The following BCAT1 variants were observed in gnomAD, a reference collection of about 807,000 sequenced individuals.
BCAT1 encodes branched-chain-amino-acid aminotransferase, cytosolic.
A neutral mutation model predicts 52.4 loss-of-function variants in BCAT1; 48 were observed. That is an observed-to-expected ratio of 0.92 (90% CI 0.73 to 1.16). The LOEUF (loss-of-function observed/expected upper bound fraction) is 1.16. BCAT1 is among the 50% of genes most tolerant of loss of function. The pLI, the probability that BCAT1 is intolerant of heterozygous loss-of-function variation, is 0.00. For synonymous variants in BCAT1, 167 were observed against 161.3 expected (o/e 1.04, Z -0.27); for missense variants, 451 against 457.1 (o/e 0.99, Z 0.12).
At chr12:24,902,790 G>T in intron 1 of BCAT1, 1 of 1,083,278 alleles carries the variant, frequency 9.2e-7, no homozygotes, top group Non-Finnish European at 1.3e-6. Context: ...GGGCAGGGAT[G>T]CGGGGAAGGG....
At chr12:24,885,534 T>G (rs939143869) in intron 3 of BCAT1, among the ~76,000 whole-genome samples, 5 of 152,158 alleles carry the variant, frequency 3.3e-5, no homozygotes, top group Non-Finnish European at 4.4e-5. Flanking sequence ...AAAAACTGCA[T>G]GACAAAAGTT....
chr12:24,810,700 G>A lies in BCAT1; in HGVS notation c.*7308C>T, dbSNP rs1939653411. ...TCACAGGTTGACAGGGTCTGGAGAA[G>A]TGGGTCACCGAGCACTCTGACATTT... is the stretch of plus-strand genomic sequence containing the variant. On this transcript the variant is annotated 3_prime_UTR_variant, in exon 11 of 11. Coordinates refer to ENST00000261192, the MANE Select transcript of BCAT1 (RefSeq NM_005504.7). The A allele has an allele frequency of 6.6e-6, 1 of 152,224 alleles. No homozygotes were observed. The highest frequency in any genetic ancestry group is 2.1e-4 in the South Asian group (1 of 4,832). 9.4% of individuals were successfully genotyped at this position (152,224 alleles called of 1,614,324 possible). A position where few individuals can be genotyped will look rare whatever the true frequency, so the allele number is the denominator to read the frequency against.
chr12:24,835,582 TATTTATTTATTTA>T (rs1287265895), intron 8 of BCAT1, among the ~76,000 whole-genome samples: 76 of 146,024 alleles, frequency 5.2e-4, no homozygotes, highest in Admixed American at 1.0e-3. Flanking sequence ...TTTATTTATT[TATTTATTTATTTA>T]ATTTACTTTT....
chr12:24,876,233 T>A (rs573723846), intron 5 of BCAT1, among the ~76,000 whole-genome samples: 2 of 100,682 alleles, frequency 2.0e-5, no homozygotes, highest in South Asian at 2.9e-4. Flanking sequence ...ATTAGAAAAC[T>A]AGATCAAGAG....
intron 5 of BCAT1, among the ~76,000 whole-genome samples, chr12:24,864,925 G>C (rs1565470860): frequency 6.6e-6 from 1 of 152,168 alleles, no homozygotes; most frequent in Non-Finnish European, 1.5e-5. Context: ...ACAGCTGCTT[G>C]TGGTTTCCAG....
At chr12:24,846,968 G>T (rs923040096) in intron 6 of BCAT1, among the ~76,000 whole-genome samples, 1 of 152,186 alleles carries the variant, frequency 6.6e-6, no homozygotes, top group African/African-American at 2.4e-5. Context: ...CTCACAGATA[G>T]TTAAGTGTGT....
chr12:24,943,135 G>T (rs1186741712), intron 1 of BCAT1, among the ~76,000 whole-genome samples: 2 of 152,130 alleles, frequency 1.3e-5, no homozygotes, highest in African/African-American at 4.8e-5. Context: ...CAATAATTTA[G>T]ATATAAAACT....
chr12:24,922,871 C>CAA (rs112388852), intron 1 of BCAT1, among the ~76,000 whole-genome samples: 6 of 107,236 alleles, frequency 5.6e-5, no homozygotes, highest in African/African-American at 1.4e-4. Context: ...CTCTGTCTCT[C>CAA]AAAAAAAAAA....
At chr12:24,947,167 CCACACACACACACACACACACA>C (rs57265449) in intron 1 of BCAT1, among the ~76,000 whole-genome samples, 15 of 141,152 alleles carry the variant, frequency 1.1e-4, no homozygotes, top group African/African-American at 2.1e-4. Context: ...CGTCTTCCCT[CCACACACACACACACACACACA>C]CACACACACA....
intron 1 of BCAT1, among the ~76,000 whole-genome samples, chr12:24,927,834 T>C (rs1202691039): frequency 6.6e-6 from 1 of 152,142 alleles, no homozygotes; most frequent in Non-Finnish European, 1.5e-5. Context: ...CAACCAGAAA[T>C]AGTTTTATTT....
At chr12:24,917,518 T>C (rs1259032406) in intron 1 of BCAT1, among the ~76,000 whole-genome samples, 1 of 152,156 alleles carries the variant, frequency 6.6e-6, no homozygotes, top group African/African-American at 2.4e-5. Flanking sequence ...AAAGGTGTGA[T>C]CTCCAAAGTT....
intron 1 of BCAT1, among the ~76,000 whole-genome samples, chr12:24,928,244 G>A (rs1365080985): frequency 6.6e-6 from 1 of 152,170 alleles, no homozygotes; most frequent in Non-Finnish European, 1.5e-5. Context: ...GACTAGGAGA[G>A]ACCAGAGACC....
Position 24,816,878 on chromosome 12 carries a change from A to G in BCAT1, c.*1130T>C, listed in dbSNP as rs1440145169. On this transcript the variant is annotated 3_prime_UTR_variant, in exon 11 of 11. Transcript: ENST00000261192. Reference sequence around the variant, plus strand: ...AGTTCACAATAGGATTTGTGCTCCTATGAGAATCTAATGCTGCCACTGAGC... The same window carrying G: ...AGTTCACAATAGGATTTGTGCTCCTGTGAGAATCTAATGCTGCCACTGAGC... The G allele has an allele frequency of 3.6e-6, 1 of 275,300 alleles. No individual in the cohort carries two copies. Among genetic ancestry groups the G allele is most frequent in the Non-Finnish European group, 6.7e-6 (1 of 148,738 alleles). The allele number at this position is 275,300 out of a possible 1,614,324, so 17.1% of individuals were successfully genotyped here. A position where few individuals can be genotyped will look rare whatever the true frequency, so the allele number is the denominator to read the frequency against.
intron 5 of BCAT1, among the ~76,000 whole-genome samples, chr12:24,856,309 T>C (rs1445401407): frequency 6.6e-6 from 1 of 152,136 alleles, no homozygotes; most frequent in African/African-American, 2.4e-5. Flanking sequence ...GCTCCTCACT[T>C]TCCTACTTCC....
intron 10 of BCAT1, among the ~76,000 whole-genome samples, chr12:24,827,612 C>T (rs184884924): frequency 1.6e-4 from 24 of 151,968 alleles, no homozygotes; most frequent in Admixed American, 7.9e-4. Context: ...GCCAACATGG[C>T]GAAACCTCGA....
intron 3 of BCAT1, among the ~76,000 whole-genome samples, chr12:24,884,063 A>G (rs1231778060): frequency 6.6e-6 from 1 of 152,224 alleles, no homozygotes; most frequent in African/African-American, 2.4e-5. Context: ...TGTTTATTGT[A>G]GCATTATTCA....
At chr12:24,855,694 T>A (rs1332030202) in intron 5 of BCAT1, among the ~76,000 whole-genome samples, 2 of 152,216 alleles carry the variant, frequency 1.3e-5, no homozygotes, top group Non-Finnish European at 2.9e-5. Context: ...TTCTTTGTCT[T>A]AAATTTCTTT....
chr12:24,942,543 CAAA>C (rs60144964), intron 1 of BCAT1, among the ~76,000 whole-genome samples: 7 of 90,818 alleles, frequency 7.7e-5, no homozygotes, highest in Admixed American at 1.2e-4. Context: ...GACTCCGCCT[CAAA>C]AAAAAAAAAA....
intron 1 of BCAT1, among the ~76,000 whole-genome samples, chr12:24,909,341 G>A (rs1033899958): frequency 3.9e-5 from 6 of 152,108 alleles, no homozygotes; most frequent in Non-Finnish European, 7.3e-5. Context: ...CTGGAAAAGT[G>A]AGCCATAAAA....
Sources: allele counts gnomAD v4.1 joint callset (sites outside exome capture counted in the v4.1 genomes callset), GRCh38; gene constraint gnomAD v4.1.1; transcripts MANE v1.5; gene names NCBI Gene and HGNC (gene_info 2026-07-23, HGNC 2026-07-21).